The following ADAMTS6 variants were observed in gnomAD, a reference collection of about 807,000 sequenced individuals.
ADAMTS6 encodes ADAM metallopeptidase with thrombospondin type 1 motif 6.
A neutral mutation model predicts 144.3 loss-of-function variants in ADAMTS6; 23 were observed. The ratio of observed to expected loss-of-function variants is 0.16; its 90% CI spans 0.11 to 0.23. The LOEUF (loss-of-function observed/expected upper bound fraction) is 0.23, where lower values mean the gene tolerates loss of function less well. Among genes scored for constraint, ADAMTS6 ranks in the 10% least tolerant of loss-of-function variants. The pLI is 1.00. For synonymous variants in ADAMTS6, 444 were observed against 457.5 expected, an observed-to-expected ratio of 0.97 and a Z score of 0.38; for missense variants, 999 against 1,379.6, an observed-to-expected ratio of 0.72 and a Z score of 4.37.
intron 4 of ADAMTS6, 53 bp from the exon 5 acceptor site, chr5:65,452,971 T>C: frequency 7.3e-7 from 1 of 1,370,298 alleles, no homozygotes; most frequent in Non-Finnish European, 1.0e-6. Context: ...AATATTTATT[T>C]ATAGATCTTT....
At chr5:65,311,388 A>G (rs1744480500) in intron 9 of ADAMTS6, among the ~76,000 whole-genome samples, 1 of 152,184 alleles carries the variant, frequency 6.6e-6, no homozygotes, top group South Asian at 2.1e-4. Context: ...GTTATTCATT[A>G]AATTAAGCTT....
intron 24 of ADAMTS6, 112 bp from the exon 25 acceptor site, chr5:65,152,057 T>C (rs1239414305): frequency 1.2e-6 from 1 of 817,064 alleles, no homozygotes; most frequent in East Asian, 2.5e-5. Flanking sequence ...CAATCCACCT[T>C]GGCTTCGACC....
intron 20 of ADAMTS6, among the ~76,000 whole-genome samples, chr5:65,213,655 T>TAATAA (rs1439009802): frequency 6.6e-6 from 1 of 151,362 alleles, no homozygotes; most frequent in Non-Finnish European, 1.5e-5. Flanking sequence ...AAGTAATAAG[T>TAATAA]AATAAAATAA....
At chr5:65,377,697 G>A (rs555376642) in intron 7 of ADAMTS6, among the ~76,000 whole-genome samples, 5 of 152,134 alleles carry the variant, frequency 3.3e-5, no homozygotes, top group Non-Finnish European at 7.4e-5. Context: ...TCAGTGGGTG[G>A]GAGGGATGGT....
intron 20 of ADAMTS6, chr5:65,210,446 G>A (rs1199747584): frequency 2.3e-4 from 37 of 163,506 alleles, no homozygotes; most frequent in Non-Finnish European, 3.7e-4. Flanking sequence ...GCGAAACTCC[G>A]TCTCAAAAAA....
chr5:65,157,625 G>A (rs1752511072), intron 24 of ADAMTS6, among the ~76,000 whole-genome samples: 1 of 152,138 alleles, frequency 6.6e-6, no homozygotes, highest in African/African-American at 2.4e-5. Context: ...AGCACCTAAA[G>A]GTCTATCTTT....
chr5:65,151,773 C>A lies in ADAMTS6; in HGVS notation c.*63G>T. 1 of 1,424,496 alleles carries A rather than the reference C, an allele frequency of 7.0e-7. No homozygotes were observed. The highest frequency in any genetic ancestry group is 9.9e-7 in the Non-Finnish European group (1 of 1,014,462). The allele number at this position is 1,424,496 out of a possible 1,614,324, so 88.2% of individuals were successfully genotyped here. On this transcript the variant is annotated 3_prime_UTR_variant, in exon 25 of 25. Transcript: ENST00000381055. ...ACATCAATCCTCTTCCTCTGGGTGGCTCTCTTTGATGGATGCATTTCCATG... is the reference window on the plus strand; with the variant it reads ...ACATCAATCCTCTTCCTCTGGGTGGATCTCTTTGATGGATGCATTTCCATG...
At chr5:65,372,802 A>C (rs1305497355) in intron 7 of ADAMTS6, among the ~76,000 whole-genome samples, 3 of 152,258 alleles carry the variant, frequency 2.0e-5, no homozygotes, top group Non-Finnish European at 2.9e-5. Context: ...AACAGAATAT[A>C]CATTTTTCTT....
intron 7 of ADAMTS6, among the ~76,000 whole-genome samples, chr5:65,401,698 T>G (rs1753928526): frequency 6.6e-6 from 1 of 152,204 alleles, no homozygotes; most frequent in Non-Finnish European, 1.5e-5. Context: ...ATTCTCTGTA[T>G]TTGTCTGTCA....
chr5:65,350,826 G>T (rs562105341), intron 7 of ADAMTS6, among the ~76,000 whole-genome samples: 3 of 151,968 alleles, frequency 2.0e-5, no homozygotes, highest in Admixed American at 6.6e-5. Context: ...GCCAATTTTT[G>T]TAGGAGAGAC....
intron 3 of ADAMTS6, 39 bp downstream of exon 3, chr5:65,470,738 AT>A (rs1376603513): frequency 1.3e-6 from 2 of 1,503,890 alleles, no homozygotes; most frequent in African/African-American, 2.9e-5. Context: ...CAAAATTCTT[AT>A]TTTCCCATCA....
intron 24 of ADAMTS6, among the ~76,000 whole-genome samples, chr5:65,160,698 G>A (rs2111995469): frequency 7.2e-6 from 1 of 138,796 alleles, no homozygotes; most frequent in East Asian, 2.1e-4. Context: ...TGTTGCCCAG[G>A]CTGGAGTGCA....
chr5:65,348,078 T>TATAA lies in ADAMTS6; in HGVS notation c.1074-13997_1074-13994dup, dbSNP rs374949290. Among the ~76,000 whole-genome samples, 1,384 of 152,188 alleles carry TATAA rather than the reference T, an allele frequency of 9.1e-3. 23 individuals are homozygous for TATAA. The highest frequency in any genetic ancestry group is 0.031 in the African/African-American group (1,306 of 41,556). On this transcript the variant is annotated intron_variant, in intron 7 of 24. Coordinates refer to ENST00000381055, the MANE Select transcript of ADAMTS6 (RefSeq NM_197941.4). ...AGCCCTGCTACACTGTTAGTGAGAA[T>TATAA]ATAAATTAGTATTATGGAAAACAGT...
intron 7 of ADAMTS6, among the ~76,000 whole-genome samples, chr5:65,402,102 T>C (rs1471864511): frequency 6.6e-6 from 1 of 152,152 alleles, no homozygotes; most frequent in African/African-American, 2.4e-5. Context: ...CATTGCACTC[T>C]CTACCATCGC....
At chr5:65,227,226 TACAC>T (rs1266072407) in intron 15 of ADAMTS6, among the ~76,000 whole-genome samples, 136 of 152,324 alleles carry the variant, frequency 8.9e-4, no homozygotes, top group Admixed American at 3.3e-3. Flanking sequence ...TGTGAATAAA[TACAC>T]ACAGCAATTT....
chr5:65,194,398 C>G (rs1349729625), intron 21 of ADAMTS6, among the ~76,000 whole-genome samples: 5 of 152,218 alleles, frequency 3.3e-5, no homozygotes, highest in Non-Finnish European at 7.3e-5. Flanking sequence ...GACCAATACT[C>G]TACAGTGTAC....
chr5:65,301,844 T>A (rs1327833276), intron 9 of ADAMTS6, among the ~76,000 whole-genome samples: 2 of 151,950 alleles, frequency 1.3e-5, no homozygotes, highest in Admixed American at 1.3e-4. Context: ...ATCCCAGCGC[T>A]TTGCGAGGCT....
intron 9 of ADAMTS6, among the ~76,000 whole-genome samples, chr5:65,326,915 T>C (rs980144683): frequency 3.9e-5 from 6 of 152,120 alleles, no homozygotes; most frequent in African/African-American, 1.4e-4. Flanking sequence ...CAAATAATAA[T>C]TTGACATATT....
At chr5:65,162,920 G>T (rs1046967595) in intron 24 of ADAMTS6, among the ~76,000 whole-genome samples, 6 of 152,038 alleles carry the variant, frequency 3.9e-5, no homozygotes, top group Admixed American at 6.5e-5. Flanking sequence ...TTTTGGGGGG[G>T]TTTTTCTGAG....
Sources: allele counts gnomAD v4.1 joint callset (sites outside exome capture counted in the v4.1 genomes callset), GRCh38; gene constraint gnomAD v4.1.1; transcripts MANE v1.5; gene names NCBI Gene and HGNC (gene_info 2026-07-23, HGNC 2026-07-21).